OR3A2: variants seen among roughly 807,000 people sequenced by gnomAD.
OR3A2 encodes the protein olfactory receptor family 3 subfamily A member 2.
For synonymous variants in OR3A2, 126 were observed against 159.3 expected (o/e 0.79, Z 1.57); for missense variants, 318 against 392.8 (o/e 0.81, Z 1.61).
intron 3 of OR3A2, among the ~76,000 whole-genome samples, chr17:3,322,056 G>A (rs2049127974): frequency 6.6e-6 from 1 of 152,094 alleles, no homozygotes; most frequent in Non-Finnish European, 1.5e-5. Flanking sequence ...CACAATTTCA[G>A]AGCCTGTTAT....
At position 3,385,050 on chromosome 17, in the gene OR3A2, C is replaced by T. The variant is rs562134894; in HGVS notation, c.-275+1075G>A. Among the ~76,000 whole-genome samples, 26 of 152,156 alleles carry T rather than the reference C, an allele frequency of 1.7e-4. No homozygotes were observed. The South Asian group carries it at 3.3e-3, about 19-fold the overall frequency. Reference sequence around the variant, plus strand: ...CTACTAAAAAAAATACAAAATTAGCCGGGCGTGGTGGCGCATGCCTGTAAT... The same window carrying T: ...CTACTAAAAAAAATACAAAATTAGCTGGGCGTGGTGGCGCATGCCTGTAAT... On this transcript the variant is annotated intron_variant, in intron 1 of 4. Transcript: ENST00000573491.
chr17:3,286,236 G>C (rs1294467910), upstream of OR3A2, among the ~76,000 whole-genome samples: 1 of 152,150 alleles, frequency 6.6e-6, no homozygotes, highest in Non-Finnish European at 1.5e-5. Flanking sequence ...CCCTGCAAAG[G>C]TCATGAACTC....
At chr17:3,312,348 T>C (rs78987341) in intron 3 of OR3A2, among the ~76,000 whole-genome samples, 20 of 152,276 alleles carry the variant, frequency 1.3e-4, no homozygotes, top group African/African-American at 4.8e-4. Flanking sequence ...CTTTAAGAAA[T>C]AGGTCTAGTA....
chr17:3,342,876 CT>C (rs2049331337), intron 2 of OR3A2, among the ~76,000 whole-genome samples: 1 of 152,230 alleles, frequency 6.6e-6, no homozygotes, highest in Non-Finnish European at 1.5e-5. Flanking sequence ...CAGCTATGCC[CT>C]GCCCCCAGAG....
intron 2 of OR3A2, among the ~76,000 whole-genome samples, chr17:3,347,378 A>G (rs964881904): frequency 1.3e-5 from 2 of 152,054 alleles, no homozygotes; most frequent in African/African-American, 2.4e-5. Flanking sequence ...ATATCTCCCA[A>G]TGCTATCCCT....
chr17:3,370,835 A>G (rs1414950658), intron 2 of OR3A2, among the ~76,000 whole-genome samples: 3 of 151,590 alleles, frequency 2.0e-5, no homozygotes, highest in African/African-American at 4.8e-5. Context: ...ACTCTTAACG[A>G]GCATGCTGCC....
chr17:3,364,005 C>A (rs1321131462), intron 2 of OR3A2, among the ~76,000 whole-genome samples: 1 of 152,206 alleles, frequency 6.6e-6, no homozygotes, highest in Non-Finnish European at 1.5e-5. Context: ...CAGGCCTCTC[C>A]TCCAATTCGA....
At chr17:3,365,127 C>A (rs778213013) in intron 2 of OR3A2, among the ~76,000 whole-genome samples, 48 of 152,086 alleles carry the variant, frequency 3.2e-4, no homozygotes, top group Middle Eastern at 3.2e-3. Context: ...GTTCACCAGG[C>A]CATTGAATGA....
intron 3 of OR3A2, among the ~76,000 whole-genome samples, chr17:3,326,337 C>T (rs756508444): frequency 1.4e-4 from 21 of 151,908 alleles, no homozygotes; most frequent in Non-Finnish European, 5.9e-5. Context: ...AATGTAAAAC[C>T]CCAAACTATA....
At chr17:3,292,068 C>T (rs775969454) in intron 3 of OR3A2, 1 of 1,614,192 alleles carries the variant, frequency 6.2e-7, no homozygotes. Context: ...ATTGGGGCCA[C>T]AGAAGTTGAG....
chr17:3,292,188 G>A, intron 3 of OR3A2: 1 of 1,614,118 alleles, frequency 6.2e-7, no homozygotes, highest in Non-Finnish European at 8.5e-7. Flanking sequence ...GTAGGTGAGG[G>A]GCCGGCAGAT....
intron 3 of OR3A2, among the ~76,000 whole-genome samples, chr17:3,319,748 G>C (rs1027198040): frequency 6.6e-6 from 1 of 152,092 alleles, no homozygotes; most frequent in Non-Finnish European, 1.5e-5. Flanking sequence ...GTGTATATGT[G>C]CCACATTTTC....
At chr17:3,375,138 CCTTTTTTT>C (rs2049669013) in intron 2 of OR3A2, among the ~76,000 whole-genome samples, 1 of 36,296 alleles carries the variant, frequency 2.8e-5, no homozygotes, top group African/African-American at 7.8e-5. Context: ...GAGCCTTCTT[CCTTTTTTT>C]TTTTTTTTTT....
intron 3 of OR3A2, among the ~76,000 whole-genome samples, chr17:3,312,480 CCTTT>C (rs2049051921): frequency 6.6e-6 from 1 of 152,146 alleles, no homozygotes; most frequent in African/African-American, 2.4e-5. Context: ...AACTGCAGCC[CCTTT>C]CTGACTACTT....
At chr17:3,360,034 C>T (rs1388157765) in intron 2 of OR3A2, among the ~76,000 whole-genome samples, 1 of 151,828 alleles carries the variant, frequency 6.6e-6, no homozygotes, top group Non-Finnish European at 1.5e-5. Flanking sequence ...TACAGTCCCA[C>T]CAACAGTGTA....
At chr17:3,323,244 T>G (rs1324564185) in intron 3 of OR3A2, among the ~76,000 whole-genome samples, 2 of 152,192 alleles carry the variant, frequency 1.3e-5, no homozygotes, top group Admixed American at 6.6e-5. Context: ...TCCCTTTATT[T>G]TGAGCTTATG....
chr17:3,356,121 TA>T (rs1465207629), intron 2 of OR3A2, among the ~76,000 whole-genome samples: 2 of 151,402 alleles, frequency 1.3e-5, no homozygotes. Flanking sequence ...AAATAACTAA[TA>T]AAAATTCTAC....
rs149879012 is a variant in OR3A2 at position 3,290,125 on chromosome 17, A to C, written c.-84-10972T>G. Among the ~76,000 whole-genome samples the C allele has an allele frequency of 4.6e-3, 705 of 152,278 alleles. 3 individuals are homozygous for C. The highest frequency in any genetic ancestry group is 0.016 in the African/African-American group (675 of 41,540). On this transcript the variant is annotated intron_variant, in intron 3 of 4. Transcript: ENST00000573491. ...GGTGTACTTTTTTTGTACACTTAGC[A>C]TAACTTAAAATATCAATCACTTCCT...
chr17:3,296,460 G>A (rs1167876995), intron 3 of OR3A2, among the ~76,000 whole-genome samples: 2 of 152,100 alleles, frequency 1.3e-5, no homozygotes, highest in Admixed American at 1.3e-4. Flanking sequence ...CAAAACTTGA[G>A]TAGAAAGAAA....
Sources: allele counts gnomAD v4.1 joint callset (sites outside exome capture counted in the v4.1 genomes callset), GRCh38; gene constraint gnomAD v4.1.1; transcripts MANE v1.5; gene names NCBI Gene and HGNC (gene_info 2026-07-23, HGNC 2026-07-21).